GK5: variants seen among roughly 807,000 people sequenced by gnomAD.
The protein encoded by GK5 is ATP:glycerol 3-phosphotransferase 5.
Under a neutral mutation model 77.3 loss-of-function variants are expected in GK5, and 39 were observed. That is an observed-to-expected ratio of 0.50 (90% CI 0.39 to 0.66). The LOEUF is 0.66. GK5 is among the 30% of genes least tolerant of loss of function. GK5 has a pLI of 0.00. For synonymous variants in GK5, 211 were observed against 208.0 expected, an observed-to-expected ratio of 1.01 and a Z score of -0.13; for missense variants, 487 against 633.8, an observed-to-expected ratio of 0.77 and a Z score of 2.49.
intron 12 of GK5, among the ~76,000 whole-genome samples, chr3:142,175,731 C>G (rs1014232567): frequency 9.2e-5 from 14 of 151,966 alleles, no homozygotes; most frequent in African/African-American, 3.1e-4. Flanking sequence ...GCAATCATGG[C>G]AGGACAGGGA....
At chr3:142,214,681 A>C (rs561512650) in intron 2 of GK5, among the ~76,000 whole-genome samples, 1 of 152,318 alleles carries the variant, frequency 6.6e-6, no homozygotes, top group East Asian at 1.9e-4. Flanking sequence ...GCTAAATGCA[A>C]TGCCTCCTCT....
chr3:142,220,051 T>C (rs538527505), intron 1 of GK5, among the ~76,000 whole-genome samples: 2 of 152,324 alleles, frequency 1.3e-5, no homozygotes, highest in South Asian at 4.1e-4. Context: ...GTATCTCCAA[T>C]TCCTCCCAGT....
chr3:142,170,126 G>A (rs558020638), intron 15 of GK5, 199 bp downstream of exon 15: 2 of 668,548 alleles, frequency 3.0e-6, no homozygotes, highest in East Asian at 2.6e-5. Flanking sequence ...GGGGTGAGGT[G>A]AGGATAGAAG....
intron 3 of GK5, among the ~76,000 whole-genome samples, chr3:142,209,076 G>A (rs1577144728): frequency 1.3e-5 from 2 of 152,110 alleles, no homozygotes; most frequent in East Asian, 1.9e-4. Context: ...GTGAACTCGG[G>A]AGGCAGAGCT....
At chr3:142,186,621 G>A (rs547999555) in intron 6 of GK5, 108 bp from the exon 7 acceptor site, 249 of 413,750 alleles carry the variant, frequency 6.0e-4, no homozygotes, top group Non-Finnish European at 7.9e-4. Flanking sequence ...ATTCCAAAAT[G>A]TGTATTTTCT....
intron 10 of GK5, among the ~76,000 whole-genome samples, chr3:142,182,422 G>T (rs1013641444): frequency 1.3e-5 from 2 of 151,890 alleles, no homozygotes; most frequent in African/African-American, 2.4e-5. Context: ...TTGGCTCACT[G>T]CAACCTCTGC....
At chr3:142,204,841 T>A in intron 3 of GK5, 53 bp from the exon 4 acceptor site, 3 of 1,005,798 alleles carry the variant, frequency 3.0e-6, no homozygotes. Flanking sequence ...GAGACTATGT[T>A]AAAGATGTGC....
intron 3 of GK5, among the ~76,000 whole-genome samples, chr3:142,210,563 C>T (rs147879977): frequency 6.6e-6 from 1 of 152,242 alleles, no homozygotes; most frequent in African/African-American, 2.4e-5. Context: ...CAAAAAATAT[C>T]CACTATTTCA....
At chr3:142,210,740 ATCTAACTCTTCTATTCCT>A (rs2064179121) in intron 3 of GK5, among the ~76,000 whole-genome samples, 1 of 152,250 alleles carries the variant, frequency 6.6e-6, no homozygotes, top group Non-Finnish European at 1.5e-5. Context: ...CTGTCTTGAA[ATCTAACTCTTCTATTCCT>A]TCTAATGGTG....
chr3:142,179,073 G>A (rs1201805460), intron 11 of GK5, among the ~76,000 whole-genome samples: 1 of 152,196 alleles, frequency 6.6e-6, no homozygotes, highest in Non-Finnish European at 1.5e-5. Flanking sequence ...ACTTCTGAAT[G>A]AGTATGTAGG....
chr3:142,187,556 G>A (rs895511464), intron 6 of GK5, 148 bp downstream of exon 6: 4 of 633,658 alleles, frequency 6.3e-6, no homozygotes, highest in Non-Finnish European at 1.1e-5. Context: ...AGTGAGCCAT[G>A]ATTACACCAT....
chr3:142,170,994 T>G (rs1285280161), intron 14 of GK5, among the ~76,000 whole-genome samples: 1 of 152,068 alleles, frequency 6.6e-6, no homozygotes, highest in Non-Finnish European at 1.5e-5. Flanking sequence ...TGTGGGAGGC[T>G]GAAGAGGGCG....
intron 11 of GK5, among the ~76,000 whole-genome samples, chr3:142,179,813 A>G (rs1231794311): frequency 6.6e-6 from 1 of 152,292 alleles, no homozygotes; most frequent in East Asian, 1.9e-4. Flanking sequence ...CCCCCACTGA[A>G]TGTAACTAAG....
rs1010297781 is a variant in GK5, at chr3:142,185,413, A to G, written c.816+516T>C. On this transcript the variant is annotated intron_variant, in intron 9 of 15. Coordinates refer to ENST00000392993, the MANE Select transcript of GK5 (RefSeq NM_001039547.3). Reference sequence around the variant, plus strand: ...GAGTGACAGAGTGAGACCCTGTCTCAAAAAAAAAAAAAAAAATCAAAAATG... The same window carrying G: ...GAGTGACAGAGTGAGACCCTGTCTCGAAAAAAAAAAAAAAAATCAAAAATG... The G allele has an allele frequency of 1.2e-3, 61 of 51,582 alleles. No homozygotes were observed. The African/African-American group carries it at 0.03, about 25-fold the overall frequency. 3.2% of individuals were successfully genotyped at this position (51,582 alleles called of 1,614,324 possible). A position where few individuals can be genotyped will look rare whatever the true frequency, so the allele number is the denominator to read the frequency against.
intron 4 of GK5, among the ~76,000 whole-genome samples, chr3:142,199,801 A>G (rs1478090704): frequency 2.0e-5 from 3 of 151,186 alleles, no homozygotes; most frequent in African/African-American, 7.3e-5. Context: ...GCCACACACT[A>G]CAGGGATGTA....
At chr3:142,168,179 A>G (rs1317504005) in intron 15 of GK5, among the ~76,000 whole-genome samples, 1 of 152,244 alleles carries the variant, frequency 6.6e-6, no homozygotes, top group Non-Finnish European at 1.5e-5. Flanking sequence ...TTGATATACT[A>G]TAATTATAGC....
intron 3 of GK5, among the ~76,000 whole-genome samples, chr3:142,205,399 C>T (rs1295046544): frequency 6.6e-6 from 1 of 152,226 alleles, no homozygotes; most frequent in Non-Finnish European, 1.5e-5. Context: ...CTTTCTACCC[C>T]AACTCCAGGC....
chr3:142,182,850 T>A (rs2063715578), intron 10 of GK5, 73 bp downstream of exon 10: 1 of 1,003,108 alleles, frequency 1.0e-6, no homozygotes, highest in South Asian at 1.6e-5. Context: ...GAAAATAGTA[T>A]AAGTATCACA....
In GK5 at chr3:142,187,705, T is replaced by G; in HGVS notation, c.618A>C (p.Lys206Asn). The part of the protein sequence containing the change: ...IDTWLLYKLT[K>N]GSVYATDFSN... ...ATAGATCTTTCAGGTCATCTTTACC[T>G]TTTGTGAGCTTATATAACAACCAGG... Residue 206 changes from lysine to asparagine, a missense_variant and splice_region_variant, in exon 6 of 16, where the codon AAA (lysine) becomes AAC (asparagine). Lys to Asn is a moderately conservative substitution (Grantham distance 94). Around this residue, in one of 4 missense-constraint regions of GK5, gnomAD observed 323 missense variants for 437.4 expected, o/e 0.74. Coordinates refer to ENST00000392993, the MANE Select transcript of GK5 (RefSeq NM_001039547.3). 1.2e-6 allele frequency: 2 copies of G among 1,603,514 alleles called. No homozygotes were observed. The highest frequency in any genetic ancestry group is 1.1e-5 in the South Asian group (1 of 89,498).
Sources: gnomAD v4.1 joint callset for allele counts (sites outside exome capture counted in the v4.1 genomes callset) on GRCh38, gnomAD v4.1.1 for gene constraint, gnomAD v4.1.1 regional missense constraint, MANE v1.5 for transcripts, NCBI Gene and HGNC (gene_info 2026-07-23, HGNC 2026-07-21) for gene names.